The following EFNA5 variants were observed in gnomAD, a reference collection of about 807,000 sequenced individuals.
The protein encoded by EFNA5 is ephrin-A5.
In EFNA5, 5 loss-of-function variants were observed where a neutral mutation model predicts 22.9. The observed-to-expected ratio is 0.22, with a 90% CI of 0.11 to 0.46. The LOEUF (loss-of-function observed/expected upper bound fraction) is 0.46, where lower values mean the gene tolerates loss of function less well. Ranked by LOEUF, EFNA5 falls within the 20% of genes least tolerant of loss-of-function variation. EFNA5 has a pLI of 0.99. For missense variants in EFNA5, 237 were observed against 293.3 expected (o/e 0.81, Z 1.40); for synonymous variants, 113 against 112.2 (o/e 1.01, Z -0.04).
chr5:107,494,076 CG>C, intron 1 of EFNA5, among the ~76,000 whole-genome samples: 1 of 152,316 alleles, frequency 6.6e-6, no homozygotes, highest in Middle Eastern at 3.4e-3. Context: ...TGAGAGATGA[CG>C]GCGTGCTGGC....
chr5:107,639,202 T>C (rs1750449622), intron 1 of EFNA5, among the ~76,000 whole-genome samples: 2 of 152,242 alleles, frequency 1.3e-5, no homozygotes, highest in Admixed American at 1.3e-4. Context: ...GGGGGGTTAT[T>C]ATTTACATTT....
intron 1 of EFNA5, among the ~76,000 whole-genome samples, chr5:107,486,565 C>T (rs979502032): frequency 6.6e-6 from 1 of 152,128 alleles, no homozygotes; most frequent in Non-Finnish European, 1.5e-5. Flanking sequence ...TCCTTCTGGG[C>T]GTATGAGAGT....
chr5:107,400,324 G>T (rs774092083), intron 2 of EFNA5, among the ~76,000 whole-genome samples: 8 of 142,666 alleles, frequency 5.6e-5, no homozygotes, highest in Non-Finnish European at 1.0e-4. Context: ...AATTTTAAGC[G>T]TAAAATTTAA....
chr5:107,581,702 CT>C (rs1561439757), intron 1 of EFNA5, among the ~76,000 whole-genome samples: 1 of 152,188 alleles, frequency 6.6e-6, no homozygotes, highest in Non-Finnish European at 1.5e-5. Context: ...TCAAGTTCCA[CT>C]TGTACAGCTG....
At chr5:107,483,142 T>C (rs1750533936) in intron 1 of EFNA5, among the ~76,000 whole-genome samples, 4 of 152,106 alleles carry the variant, frequency 2.6e-5, no homozygotes, top group African/African-American at 9.7e-5. Flanking sequence ...TTTTATACAG[T>C]TTAACAAATA....
intron 1 of EFNA5, among the ~76,000 whole-genome samples, chr5:107,552,359 C>T (rs1226169670): frequency 1.3e-5 from 2 of 152,164 alleles, no homozygotes; most frequent in African/African-American, 2.4e-5. Flanking sequence ...TGGCATCATG[C>T]TCACTATGTA....
chr5:107,490,083 A>G (rs760605105), intron 1 of EFNA5, among the ~76,000 whole-genome samples: 4 of 152,158 alleles, frequency 2.6e-5, no homozygotes, highest in Non-Finnish European at 4.4e-5. Flanking sequence ...TGCTTGAACC[A>G]TGGGGGACCA....
rs72660780 is a variant in EFNA5 at position 107,648,334 on chromosome 5, T to C, written c.125+22155A>G. On this transcript the variant is annotated intron_variant, in intron 1 of 4. Coordinates refer to ENST00000333274, the MANE Select transcript of EFNA5 (RefSeq NM_001962.3). ...GGGTGTGACAATGGAGTCATATTTA[T>C]GTAACTAAAATACTTATATTGCATA... Among the ~76,000 whole-genome samples, 530 of 152,324 alleles carry C rather than the reference T, an allele frequency of 3.5e-3. 16 individuals are homozygous for C. The East Asian group carries it at 0.076, about 22-fold the overall frequency.
chr5:107,458,171 TTC>T (rs1376956332), intron 1 of EFNA5, among the ~76,000 whole-genome samples: 1 of 152,182 alleles, frequency 6.6e-6, no homozygotes, highest in Non-Finnish European at 1.5e-5. Context: ...TATATTTGTT[TTC>T]TCTGACCTCT....
rs575422369 is a variant in EFNA5 at position 107,611,208 on chromosome 5, T to C, written c.125+59281A>G. On this transcript the variant is annotated intron_variant, in intron 1 of 4. Coordinates refer to ENST00000333274, the MANE Select transcript of EFNA5 (RefSeq NM_001962.3). ...GAGCCCACCGACAAAAATAATGACA[T>C]AAAAACCAAGCTGGAAATGCTATAG... 5.3e-5 allele frequency among the ~76,000 whole-genome samples: 8 copies of C among 151,916 alleles called. No homozygotes were observed. In the South Asian group the frequency reaches 1.7e-3, roughly 32 times the overall value.
At chr5:107,573,694 G>T (rs1748862604) in intron 1 of EFNA5, among the ~76,000 whole-genome samples, 1 of 152,084 alleles carries the variant, frequency 6.6e-6, no homozygotes, top group Non-Finnish European at 1.5e-5. Flanking sequence ...TGATTACGTG[G>T]GTTTCCATGC....
chr5:107,522,119 T>A (rs1747611207), intron 1 of EFNA5, among the ~76,000 whole-genome samples: 1 of 152,228 alleles, frequency 6.6e-6, no homozygotes, highest in South Asian at 2.1e-4. Context: ...GTATTTCTGT[T>A]ATCTGAACAC....
chr5:107,399,365 G>GAAAGGAAAGGAAAGGA (rs1178223168), intron 2 of EFNA5, among the ~76,000 whole-genome samples: 8 of 144,452 alleles, frequency 5.5e-5, no homozygotes, highest in Non-Finnish European at 1.5e-5. Flanking sequence ...GAAAGGAAAG[G>GAAAGGAAAGGAAAGGA]AAGGAGGGAG....
rs578034363 is a variant in EFNA5, at chr5:107,617,619, A to G, written c.125+52870T>C. Among the ~76,000 whole-genome samples, 9 of 152,342 alleles carry G rather than the reference A, an allele frequency of 5.9e-5. No homozygotes were observed. In the East Asian group the frequency reaches 1.7e-3, roughly 29 times the overall value. On this transcript the variant is annotated intron_variant, in intron 1 of 4. Transcript: ENST00000333274. ...CGTATTGAGAGGCAAGTTTGCCTGA[A>G]GAGTTTCCACTTGTTCAAAAGGAAA...
intron 1 of EFNA5, among the ~76,000 whole-genome samples, chr5:107,646,735 G>A (rs1030816721): frequency 6.6e-6 from 1 of 152,038 alleles, no homozygotes; most frequent in African/African-American, 2.4e-5. Flanking sequence ...ACATGGTGAG[G>A]GGGATACTTC....
At chr5:107,558,189 C>T (rs57382091) in intron 1 of EFNA5, among the ~76,000 whole-genome samples, 7 of 151,984 alleles carry the variant, frequency 4.6e-5, no homozygotes, top group African/African-American at 1.2e-4. Context: ...CCGAAATATT[C>T]GAAGTTAAGC....
At chr5:107,501,596 CTTA>C (rs1747137671) in intron 1 of EFNA5, among the ~76,000 whole-genome samples, 1 of 152,152 alleles carries the variant, frequency 6.6e-6, no homozygotes, top group Non-Finnish European at 1.5e-5. Flanking sequence ...ATTTCAGTGT[CTTA>C]TTTTGCACAA....
intron 1 of EFNA5, among the ~76,000 whole-genome samples, chr5:107,436,556 A>T (rs930814826): frequency 6.6e-6 from 1 of 152,142 alleles, no homozygotes; most frequent in African/African-American, 2.4e-5. Context: ...CACAATGCAA[A>T]ACACGCTTTT....
intron 1 of EFNA5, among the ~76,000 whole-genome samples, chr5:107,448,467 T>C (rs1749455520): frequency 6.6e-6 from 1 of 152,216 alleles, no homozygotes; most frequent in South Asian, 2.1e-4. Context: ...AGTAGGTCAT[T>C]TGTGGGCTTA....
Sources: allele counts gnomAD v4.1 joint callset (sites outside exome capture counted in the v4.1 genomes callset), GRCh38; gene constraint gnomAD v4.1.1; transcripts MANE v1.5; gene names NCBI Gene and HGNC (gene_info 2026-07-23, HGNC 2026-07-21).